Variants in KIF15 observed in about 807,000 individuals in gnomAD.
The protein encoded by KIF15 is kinesin family member 15.
KIF15 carries 140 observed loss-of-function variants against 190.6 expected under a neutral mutation model. That is an observed-to-expected ratio of 0.73 (90% CI 0.64 to 0.84). KIF15 has a LOEUF of 0.84. Among genes scored for constraint, KIF15 ranks in the 40% least tolerant of loss-of-function variants. KIF15 has a pLI of 0.00. For missense variants in KIF15, 1,372 were observed against 1,584.4 expected (o/e 0.87, Z 2.28); for synonymous variants, 528 against 551.3 (o/e 0.96, Z 0.59).
rs7340545 is a variant in KIF15, at chr3:44,829,708, G to T, written c.2944-263G>T. 1.3e-3 allele frequency among the ~76,000 whole-genome samples: 158 copies of T among 124,484 alleles called. 2 individuals are homozygous for T. The highest frequency in any genetic ancestry group is 4.5e-3 in the African/African-American group (136 of 29,990). 81.7% of individuals were successfully genotyped at this position (124,484 alleles called of 152,430 possible). On this transcript the variant is annotated intron_variant, in intron 24 of 34. Coordinates refer to ENST00000326047, the MANE Select transcript of KIF15 (RefSeq NM_020242.3). ...ATATTATAGATGTATATATATTATA[G>T]ATGTATATATATTATAGATGTATAT...
intron 1 of KIF15, among the ~76,000 whole-genome samples, chr3:44,771,733 G>A (rs1705648793): frequency 6.6e-6 from 1 of 152,194 alleles, no homozygotes; most frequent in Non-Finnish European, 1.5e-5. Flanking sequence ...GGTGCCTTAA[G>A]AGAACCTTGT....
At chr3:44,793,684 A>G (rs1181273705) in intron 7 of KIF15, among the ~76,000 whole-genome samples, 2 of 152,210 alleles carry the variant, frequency 1.3e-5, no homozygotes, top group Non-Finnish European at 2.9e-5. Context: ...ATAAAGCTAG[A>G]TAACAATGGA....
At position 44,852,660 on chromosome 3, in the gene KIF15, T is replaced by A. The variant is rs1185873343; in HGVS notation, c.4105-13T>A. On this transcript the variant is annotated splice_polypyrimidine_tract_variant and intron_variant, in intron 34 of 34. Coordinates refer to ENST00000326047, the MANE Select transcript of KIF15 (RefSeq NM_020242.3). ...CTTATTTTTTTTCTTTTTGTTTTTT[T>A]AAAATTACTTAGGAGACAGAAAAGT... 1.3e-6 allele frequency: 2 copies of A among 1,561,212 alleles called. No homozygotes were observed. The highest frequency in any genetic ancestry group is 1.4e-5 in the African/African-American group (1 of 72,254).
intron 4 of KIF15, among the ~76,000 whole-genome samples, chr3:44,780,317 A>G (rs1222639765): frequency 6.6e-6 from 1 of 152,176 alleles, no homozygotes; most frequent in Admixed American, 6.5e-5. Context: ...ACAAAAACCT[A>G]TAGCATAAGA....
intron 26 of KIF15, among the ~76,000 whole-genome samples, chr3:44,834,546 G>A (rs114101152): frequency 5.3e-5 from 8 of 152,146 alleles, no homozygotes; most frequent in African/African-American, 1.4e-4. Context: ...GTGTTAAAAC[G>A]TTAGGAGAGA....
At chr3:44,766,035 T>G (rs1327105058) in intron 1 of KIF15, 1 of 155,130 alleles carries the variant, frequency 6.4e-6, no homozygotes, top group Non-Finnish European at 1.4e-5. Flanking sequence ...AGACGGGGTT[T>G]CACCATGTTG....
intron 7 of KIF15, among the ~76,000 whole-genome samples, chr3:44,792,694 A>G (rs528909487): frequency 1.3e-5 from 2 of 151,838 alleles, no homozygotes; most frequent in East Asian, 3.9e-4. Context: ...CTACAGGTGC[A>G]TGCCACCACA....
rs533803686 is a variant in KIF15 at position 44,817,901 on chromosome 3, G to A, written c.2549+2825G>A. Among the ~76,000 whole-genome samples, 1,015 of 152,160 alleles carry A rather than the reference G, an allele frequency of 6.7e-3. 41 individuals are homozygous for A. Among genetic ancestry groups the A allele is most frequent in the Admixed American group, 0.056 (859 of 15,282 alleles). ...ATGGAATGTTCTTCCATTTGTTTGT[G>A]TCCTCTTTTATTTCGTTGAGCAGTG... On this transcript the variant is annotated intron_variant, in intron 20 of 34. Coordinates refer to ENST00000326047, the MANE Select transcript of KIF15 (RefSeq NM_020242.3).
intron 32 of KIF15, among the ~76,000 whole-genome samples, chr3:44,850,848 G>A (rs1166879622): frequency 2.0e-5 from 3 of 152,086 alleles, no homozygotes; most frequent in African/African-American, 4.8e-5. Context: ...GGCTTTGAGT[G>A]GTGTATTAAA....
intron 32 of KIF15, among the ~76,000 whole-genome samples, chr3:44,850,010 AT>A (rs1409594690): frequency 6.6e-6 from 1 of 152,148 alleles, no homozygotes; most frequent in East Asian, 1.9e-4. Context: ...CTCTATTCGT[AT>A]TTTCTGCTTT....
chr3:44,809,757 T>C (rs1430192066), intron 16 of KIF15, among the ~76,000 whole-genome samples: 1 of 151,942 alleles, frequency 6.6e-6, no homozygotes, highest in Non-Finnish European at 1.5e-5. Context: ...ATACCTAAAA[T>C]TTCCACAGAA....
rs553056179 is a variant in KIF15, at chr3:44,806,243, C to T, written c.1971+257C>T. Among the ~76,000 whole-genome samples, 5 of 152,294 alleles carry T rather than the reference C, an allele frequency of 3.3e-5. No homozygotes were observed. In the East Asian group the frequency reaches 5.8e-4, roughly 18 times the overall value. Reference sequence around the variant, plus strand: ...ATTAACTTTAGTCAGGGTTTCCTAACTTCTGAGCCTTATCTTTCTTTTCTC... The same window carrying T: ...ATTAACTTTAGTCAGGGTTTCCTAATTTCTGAGCCTTATCTTTCTTTTCTC... On this transcript the variant is annotated intron_variant, in intron 16 of 34. Coordinates refer to ENST00000326047, the MANE Select transcript of KIF15 (RefSeq NM_020242.3).
chr3:44,801,214 G>GT (rs1018037254), intron 11 of KIF15, among the ~76,000 whole-genome samples: 4 of 150,582 alleles, frequency 2.7e-5, no homozygotes, highest in African/African-American at 9.8e-5. Flanking sequence ...GCGGCGGGAG[G>GT]GGGGGGTCTC....
intron 7 of KIF15, among the ~76,000 whole-genome samples, chr3:44,786,817 T>C (rs1706429597): frequency 6.6e-6 from 1 of 152,202 alleles, no homozygotes; most frequent in African/African-American, 2.4e-5. Context: ...ATCAGTTTCT[T>C]ACTTGTCCAT....
intron 7 of KIF15, among the ~76,000 whole-genome samples, chr3:44,790,260 C>T (rs1706622366): frequency 6.6e-6 from 1 of 152,108 alleles, no homozygotes; most frequent in African/African-American, 2.4e-5. Flanking sequence ...TTACTTCAAC[C>T]TCTGCCTCCT....
At chr3:44,835,547 A>G (rs1239927730) in intron 26 of KIF15, among the ~76,000 whole-genome samples, 1 of 152,116 alleles carries the variant, frequency 6.6e-6, no homozygotes, top group Non-Finnish European at 1.5e-5. Flanking sequence ...CCTGGCCTCA[A>G]ATCCCAGTAT....
intron 20 of KIF15, among the ~76,000 whole-genome samples, chr3:44,817,579 T>C (rs1390896531): frequency 6.6e-6 from 1 of 152,222 alleles, no homozygotes; most frequent in Non-Finnish European, 1.5e-5. Flanking sequence ...CTGAGACCTA[T>C]GTTCTGTTCC....
chr3:44,819,398 C>T (rs1173343093), intron 20 of KIF15, among the ~76,000 whole-genome samples: 2 of 152,308 alleles, frequency 1.3e-5, no homozygotes, highest in Non-Finnish European at 2.9e-5. Flanking sequence ...ATGAATTTCC[C>T]TCTACACACT....
intron 19 of KIF15, among the ~76,000 whole-genome samples, chr3:44,813,693 C>A (rs1365929375): frequency 7.1e-6 from 1 of 139,926 alleles, no homozygotes; most frequent in Non-Finnish European, 1.5e-5. Flanking sequence ...GTGGCGGGAT[C>A]TCGGCGGCTC....
Sources: allele counts gnomAD v4.1 joint callset (sites outside exome capture counted in the v4.1 genomes callset), GRCh38; gene constraint gnomAD v4.1.1; transcripts MANE v1.5; gene names NCBI Gene and HGNC (gene_info 2026-07-23, HGNC 2026-07-21).